LARP4: variants seen among roughly 807,000 people sequenced by gnomAD.
LARP4 encodes la-related protein 4.
Under a neutral mutation model 92.9 loss-of-function variants are expected in LARP4, and 29 were observed. The observed-to-expected ratio is 0.31, with a 90% confidence interval of 0.23 to 0.43. The LOEUF is 0.43. Ranked by LOEUF, LARP4 falls within the 20% of genes least tolerant of loss-of-function variation. The pLI, the probability that LARP4 is intolerant of heterozygous loss-of-function variation, is 1.00. For synonymous variants in LARP4, 279 were observed against 284.1 expected (o/e 0.98, Z 0.18); for missense variants, 732 against 860.0 (o/e 0.85, Z 1.86).
chr12:50,418,389 G>T (rs971070171), intron 1 of LARP4, among the ~76,000 whole-genome samples: 5 of 152,164 alleles, frequency 3.3e-5, no homozygotes, highest in African/African-American at 4.8e-5. Flanking sequence ...TACCATAATT[G>T]TCTCAATTTT....
intron 10 of LARP4, among the ~76,000 whole-genome samples, chr12:50,455,691 T>G (rs1482301035): frequency 6.6e-6 from 1 of 152,206 alleles, no homozygotes; most frequent in East Asian, 1.9e-4. Flanking sequence ...CTGGAAACAT[T>G]GTGTACTACT....
At chr12:50,474,281 G>A (rs1488852204) in intron 15 of LARP4, 114 bp downstream of exon 15, 2 of 758,840 alleles carry the variant, frequency 2.6e-6, no homozygotes, top group Non-Finnish European at 4.3e-6. Context: ...CCAAGTTGGG[G>A]CTGACTATCA....
At position 50,477,886 on chromosome 12, in the gene LARP4, A is replaced by G. The variant is rs1957644222; in HGVS notation, c.*2022A>G. 6.6e-6 allele frequency: 1 copy of G among 152,580 alleles called. No individual in the cohort carries two copies. 9.5% of individuals were successfully genotyped at this position (152,580 alleles called of 1,614,324 possible). ...AAAGTGCTTATTTTGGTTTACTAAG[A>G]TAATGCAGTTGGTGGAAATGATAAA... On this transcript the variant is annotated 3_prime_UTR_variant, in exon 16 of 16. Transcript: ENST00000398473.
intron 10 of LARP4, among the ~76,000 whole-genome samples, chr12:50,458,172 C>T (rs1954672722): frequency 6.6e-6 from 1 of 151,944 alleles, no homozygotes; most frequent in African/African-American, 2.4e-5. Flanking sequence ...CTCCTGGGCT[C>T]CAATGATCCT....
At position 50,467,110 on chromosome 12, in the gene LARP4, A is replaced by G. The variant is rs1291656032; in HGVS notation, c.1535A>G (p.Tyr512Cys). Residue 512 changes from tyrosine (Y) to cysteine (C), a missense_variant, in exon 13 of 16, where the codon TAC (tyrosine) becomes TGC (cysteine). Tyr to Cys is a radical substitution (Grantham distance 194, BLOSUM62 -2). This residue lies in a region of LARP4 where 264 missense variants were observed against 269.5 expected (regional missense o/e 0.98). Transcript: ENST00000398473. ...ATGTCTGATGTTGTTAAAGGTGTCT[A>G]CAAAGAAAAGGTAAACACCCAGCAT... ...NRMSDVVKGV[Y>C]KEKDNEELTI... The G allele has an allele frequency of 1.2e-6, 2 of 1,600,932 alleles. No homozygotes were observed. Among genetic ancestry groups the G allele is most frequent in the South Asian group, 2.2e-5 (2 of 90,092 alleles).
chr12:50,426,539 AAGGT>A (rs1948725914), intron 1 of LARP4, among the ~76,000 whole-genome samples: 1 of 152,010 alleles, frequency 6.6e-6, no homozygotes, highest in Non-Finnish European at 1.5e-5. Context: ...AGATGACTGA[AAGGT>A]ATACGCTTGT....
At chr12:50,415,528 C>T (rs1257228892) in intron 1 of LARP4, among the ~76,000 whole-genome samples, 1 of 152,044 alleles carries the variant, frequency 6.6e-6, no homozygotes, top group Non-Finnish European at 1.5e-5. Context: ...ATATGACATA[C>T]TTTGTATGTT....
intron 8 of LARP4, among the ~76,000 whole-genome samples, chr12:50,449,880 C>G (rs1406528799): frequency 3.6e-5 from 5 of 138,090 alleles, no homozygotes; most frequent in African/African-American, 1.1e-4. Flanking sequence ...ATATTGGCCT[C>G]TTTGAATTGA....
chr12:50,425,446 A>G (rs1295536156), intron 1 of LARP4, among the ~76,000 whole-genome samples: 1 of 152,226 alleles, frequency 6.6e-6, no homozygotes, highest in African/African-American at 2.4e-5. Flanking sequence ...GAGAATAAGT[A>G]TGTAAATACA....
In LARP4 at chr12:50,429,074, A is replaced by G; in HGVS notation, c.306A>G (p.Gln102=). 6.2e-7 allele frequency: 1 copy of G among 1,612,240 alleles called. No individual in the cohort carries two copies. The highest frequency in any genetic ancestry group is 8.5e-7 in the Non-Finnish European group (1 of 1,179,262). The part of the protein sequence containing the change: ...MILGPEDLSY[Q]IYDVSGESNS... ...TAGGACCAGAAGATCTGAGTTACCA[A>G]ATATATGATGTTTCCGGTAAACTTT... The change falls in exon 3 of 16, where the codon CAA becomes CAG. Residue 102 remains glutamine, a synonymous_variant. Coordinates refer to ENST00000398473, the MANE Select transcript of LARP4 (RefSeq NM_052879.5).
At chr12:50,460,924 A>G (rs900213712) in intron 10 of LARP4, among the ~76,000 whole-genome samples, 6 of 152,196 alleles carry the variant, frequency 3.9e-5, no homozygotes, top group Non-Finnish European at 7.3e-5. Flanking sequence ...CCTGGGCAAC[A>G]GAGCGAGACT....
Position 50,407,065 on chromosome 12 carries a change from G to A in LARP4, c.18+6037G>A, listed in dbSNP as rs551057515. Among the ~76,000 whole-genome samples the A allele has an allele frequency of 3.8e-3, 573 of 151,450 alleles. 4 individuals carry two copies. Among genetic ancestry groups the A allele is most frequent in the African/African-American group, 0.013 (534 of 41,262 alleles). Reference sequence around the variant, plus strand: ...TTTTGAGATGGAATCTTGCTCTGTCGCCCAGGCTGGAGTACAGTGGCATGA... The same window carrying A: ...TTTTGAGATGGAATCTTGCTCTGTCACCCAGGCTGGAGTACAGTGGCATGA... On this transcript the variant is annotated intron_variant, in intron 1 of 15. Transcript: ENST00000398473.
intron 1 of LARP4, 47 bp downstream of exon 1, chr12:50,401,075 T>A: frequency 1.2e-6 from 2 of 1,606,844 alleles, no homozygotes; most frequent in Non-Finnish European, 8.5e-7. Context: ...AGAGCAGGAG[T>A]GTAGAGGCGC....
chr12:50,435,684 C>T, intron 5 of LARP4, 60 bp downstream of exon 5: 1 of 1,263,476 alleles, frequency 7.9e-7, no homozygotes, highest in East Asian at 2.4e-5. Context: ...GTTATTTCGA[C>T]TTCTGATCAT....
At chr12:50,454,257 C>A in intron 9 of LARP4, 57 bp from the exon 10 acceptor site, 1 of 1,315,232 alleles carries the variant, frequency 7.6e-7, no homozygotes, top group Non-Finnish European at 1.1e-6. Context: ...TCTTGTGACC[C>A]TCACACCAGA....
At chr12:50,437,712 A>C in intron 5 of LARP4, 23 bp from the exon 6 acceptor site, 5 of 1,357,240 alleles carry the variant, frequency 3.7e-6, no homozygotes, top group Non-Finnish European at 5.2e-6. Context: ...CGTTTGAGTG[A>C]TACCCTTTCT....
intron 10 of LARP4, among the ~76,000 whole-genome samples, chr12:50,459,486 T>A (rs1169372751): frequency 2.6e-5 from 4 of 152,176 alleles, no homozygotes; most frequent in Non-Finnish European, 5.9e-5. Flanking sequence ...CTTTTTGCCC[T>A]TCCTTCGCCC....
At chr12:50,407,456 T>A (rs1406343949) in intron 1 of LARP4, among the ~76,000 whole-genome samples, 1 of 152,218 alleles carries the variant, frequency 6.6e-6, no homozygotes, top group Non-Finnish European at 1.5e-5. Context: ...AAGTTTTTTT[T>A]ATAGTTGGAG....
At chr12:50,471,718 G>C (rs1174114484) in intron 13 of LARP4, among the ~76,000 whole-genome samples, 1 of 152,166 alleles carries the variant, frequency 6.6e-6, no homozygotes, top group Non-Finnish European at 1.5e-5. Flanking sequence ...ACAGGGTTTC[G>C]TCTTGTTGGC....
Sources: gnomAD v4.1 joint callset for allele counts (sites outside exome capture counted in the v4.1 genomes callset) on GRCh38, gnomAD v4.1.1 for gene constraint, gnomAD v4.1.1 regional missense constraint, MANE v1.5 for transcripts, NCBI Gene and HGNC (gene_info 2026-07-23, HGNC 2026-07-21) for gene names.